Variants in PTGER4 observed in about 807,000 individuals in gnomAD.
PTGER4 encodes the protein prostaglandin E2 receptor EP4 subtype.
In PTGER4, 11 loss-of-function variants were observed where a neutral mutation model predicts 33.2. The ratio of observed to expected loss-of-function variants is 0.33; its 90% CI spans 0.21 to 0.55. PTGER4 has a LOEUF of 0.55. Among genes scored for constraint, PTGER4 ranks in the 20% least tolerant of loss-of-function variants. The pLI, the probability that PTGER4 is intolerant of heterozygous loss-of-function variation, is 0.92. For synonymous variants in PTGER4, 275 were observed against 281.5 expected (o/e 0.98, Z 0.23); for missense variants, 481 against 650.2 (o/e 0.74, Z 2.83).
chr5:40,719,614 G>A, the PTGER4 span, among the ~76,000 whole-genome samples: 5 of 152,096 alleles, frequency 3.3e-5, no homozygotes, highest in African/African-American at 1.2e-4. Context: ...TTTTTTTGAG[G>A]AGCTGCCAGA....
intron 2 of PTGER4, among the ~76,000 whole-genome samples, chr5:40,682,132 C>G (rs1741212004): frequency 6.6e-6 from 1 of 151,936 alleles, no homozygotes; most frequent in Non-Finnish European, 1.5e-5. Context: ...GCCCTTACCC[C>G]TTGCTGCCTG....
the PTGER4 span, among the ~76,000 whole-genome samples, chr5:40,708,982 G>A: frequency 6.6e-6 from 1 of 152,078 alleles, no homozygotes; most frequent in Non-Finnish European, 1.5e-5. Flanking sequence ...AAATTCAACA[G>A]CACTTCATGC....
the PTGER4 span, among the ~76,000 whole-genome samples, chr5:40,703,709 T>C: frequency 0.98 from 149,103 of 151,756 alleles, 73,308 homozygotes; most frequent in East Asian, 1. Context: ...TCAAGACCAT[T>C]CTGGCCAACA....
At chr5:40,707,443 C>A in the PTGER4 span, among the ~76,000 whole-genome samples, 2 of 152,168 alleles carry the variant, frequency 1.3e-5, no homozygotes, top group Non-Finnish European at 2.9e-5. Context: ...AAGGCCATTA[C>A]ATAATGGTAA....
the PTGER4 span, among the ~76,000 whole-genome samples, chr5:40,732,585 G>A: frequency 6.6e-6 from 1 of 151,820 alleles, no homozygotes; most frequent in East Asian, 1.9e-4. Flanking sequence ...ACATTTCTGG[G>A]AATGTAGAAG....
chr5:40,681,764 C>T lies in PTGER4; in HGVS notation c.771C>T (p.Arg257=), dbSNP rs1211980920. The T allele has an allele frequency of 6.3e-7, 1 of 1,596,000 alleles. No individual in the cohort carries two copies. The highest frequency in any genetic ancestry group is 8.5e-7 in the Non-Finnish European group (1 of 1,175,080). ...ALPRLSDFRR[R]RSFRRIAGAE... ...CGCGCCTCAGCGACTTTCGGCGCCGCCGGAGCTTCCGCCGCATCGCGGGCG... is the reference window on the plus strand; with the variant it reads ...CGCGCCTCAGCGACTTTCGGCGCCGTCGGAGCTTCCGCCGCATCGCGGGCG... The change falls in exon 2 of 3, where the codon CGC becomes CGT. Residue 257 remains arginine, a synonymous_variant. Coordinates refer to ENST00000302472, the MANE Select transcript of PTGER4 (RefSeq NM_000958.3). This position sits in a 1 kb window ranked among gnomAD's most constrained non-coding sequence, Gnocchi z 9.8.
intron 2 of PTGER4, among the ~76,000 whole-genome samples, chr5:40,690,157 T>C (rs1463502915): frequency 1.3e-5 from 2 of 151,950 alleles, no homozygotes; most frequent in African/African-American, 4.8e-5. Flanking sequence ...CTGGGCAACA[T>C]AGAAAGACCT....
the PTGER4 span, chr5:40,716,387 T>C: frequency 6.2e-7 from 1 of 1,614,104 alleles, no homozygotes. Context: ...TTTTTAATCC[T>C]CTGTGCTACC....
chr5:40,741,023 G>A, the PTGER4 span, among the ~76,000 whole-genome samples: 1 of 151,182 alleles, frequency 6.6e-6, no homozygotes, highest in Non-Finnish European at 1.5e-5. Context: ...TAATCTCTCT[G>A]TCCACTACTT....
the PTGER4 span, chr5:40,730,340 A>T: frequency 1.9e-6 from 3 of 1,612,764 alleles, no homozygotes; most frequent in Non-Finnish European, 2.5e-6. Context: ...TTGCCTCCCG[A>T]TATCTGTGGT....
At chr5:40,728,249 A>C in the PTGER4 span, 1 of 987,440 alleles carries the variant, frequency 1.0e-6, no homozygotes, top group African/African-American at 1.9e-5. Context: ...GCACCACTGC[A>C]CTGTACCCTG....
In PTGER4 at chr5:40,692,491, T is replaced by C. The variant is rs1382655431; in HGVS notation, c.*113T>C. 1 of 1,488,320 alleles carries C rather than the reference T, an allele frequency of 6.7e-7. No individual in the cohort carries two copies. Among genetic ancestry groups the C allele is most frequent in the Admixed American group, 2.3e-5 (1 of 42,898 alleles). 92.2% of individuals were successfully genotyped at this position (1,488,320 alleles called of 1,614,324 possible). ...AGAAGGGCTATCATCATCCTACAAC[T>C]CACATTAGAGAACATCCTGGCTTTT... is the stretch of plus-strand genomic sequence containing the variant. On this transcript the variant is annotated 3_prime_UTR_variant, in exon 3 of 3. Transcript: ENST00000302472.
Position 40,693,463 on chromosome 5 carries a change from C to T in PTGER4, c.*1085C>T. Reference sequence around the variant, plus strand: ...TTATTTTGAGATGTAAAAAGATTCCCAAACGTGGTTACATTAGCCATTCAT... The same window carrying T: ...TTATTTTGAGATGTAAAAAGATTCCTAAACGTGGTTACATTAGCCATTCAT... On this transcript the variant is annotated 3_prime_UTR_variant, in exon 3 of 3. Transcript: ENST00000302472. 1 of 985,948 alleles carries T rather than the reference C, an allele frequency of 1.0e-6. No individual in the cohort carries two copies. The highest frequency in any genetic ancestry group is 1.2e-6 in the Non-Finnish European group (1 of 829,932). 61.1% of individuals were successfully genotyped at this position (985,948 alleles called of 1,614,324 possible).
chr5:40,721,580 A>G, the PTGER4 span, among the ~76,000 whole-genome samples: 1 of 152,154 alleles, frequency 6.6e-6, no homozygotes, highest in East Asian at 1.9e-4. Flanking sequence ...ATGGATCCTC[A>G]TCTTACACCA....
chr5:40,693,261 CAT>C lies in PTGER4; in HGVS notation c.*885_*886del. The stretch of plus-strand genomic sequence containing the variant: ...CTAATTGGTACTTTTAAAAACATAA[CAT>C]AAATTTTTTGAAGTCTTTAATAAAT... On this transcript the variant is annotated 3_prime_UTR_variant, in exon 3 of 3. Coordinates refer to ENST00000302472, the MANE Select transcript of PTGER4 (RefSeq NM_000958.3). 2 of 980,928 alleles carry C rather than the reference CAT, an allele frequency of 2.0e-6. No individual in the cohort carries two copies. The highest frequency in any genetic ancestry group is 2.4e-6 in the Non-Finnish European group (2 of 825,566). The allele number at this position is 980,928 out of a possible 1,614,324, so 60.8% of individuals were successfully genotyped here. A position where few individuals can be genotyped will look rare whatever the true frequency, so the allele number is the denominator to read the frequency against.
At chr5:40,706,937 T>C in the PTGER4 span, among the ~76,000 whole-genome samples, 4 of 152,136 alleles carry the variant, frequency 2.6e-5, no homozygotes, top group African/African-American at 7.2e-5. Context: ...CTAAGCTTCA[T>C]AAGTGAAGGA....
At chr5:40,696,956 AAGAGAGAAAGAAAGAGAG>A (rs1741594063), downstream of PTGER4, among the ~76,000 whole-genome samples, 1 of 102,862 alleles carries the variant, frequency 9.7e-6, no homozygotes, top group South Asian at 3.5e-4. Flanking sequence ...GAAAGAGAGA[AAGAGAGAAAGAAAGAGAG>A]AGAGAGAAAG....
chr5:40,724,243 C>T, the PTGER4 span, among the ~76,000 whole-genome samples: 23 of 152,278 alleles, frequency 1.5e-4, no homozygotes, highest in Middle Eastern at 3.4e-3. Context: ...ACTTTGAGGA[C>T]ATTATGCTAA....
At chr5:40,740,932 C>CT in the PTGER4 span, among the ~76,000 whole-genome samples, 4 of 152,176 alleles carry the variant, frequency 2.6e-5, no homozygotes, top group South Asian at 6.2e-4. Context: ...CTAGATGTTC[C>CT]TTTTTTTAAT....
Sources: allele counts gnomAD v4.1 joint callset (sites outside exome capture counted in the v4.1 genomes callset), GRCh38; gene constraint gnomAD v4.1.1; non-coding constraint Gnocchi (gnomAD v3.1); transcripts MANE v1.5; gene names NCBI Gene and HGNC (gene_info 2026-07-23, HGNC 2026-07-21).